The following ZNF624 variants were observed in gnomAD, a reference collection of about 807,000 sequenced individuals.
ZNF624 encodes zinc finger protein 624.
Under a neutral mutation model 74.7 loss-of-function variants are expected in ZNF624, and 43 were observed. That is an observed-to-expected ratio of 0.58 (90% confidence interval 0.45 to 0.74). The LOEUF is 0.74. Ranked by LOEUF, ZNF624 falls within the 30% of genes least tolerant of loss-of-function variation. The pLI is 0.00. For synonymous variants in ZNF624, 331 were observed against 341.3 expected (o/e 0.97, Z 0.33); for missense variants, 820 against 1,030.0 (o/e 0.80, Z 2.79).
chr17:16,648,132 C>CA (rs1909637451), intron 2 of ZNF624, among the ~76,000 whole-genome samples: 1 of 151,238 alleles, frequency 6.6e-6, no homozygotes, highest in African/African-American at 2.4e-5. Context: ...TTTGTGGAGA[C>CA]AGAGTTTCAC....
At chr17:16,616,783 G>A (rs1908799823), downstream of ZNF624, 4 of 852,070 alleles carry the variant, frequency 4.7e-6, no homozygotes, top group South Asian at 6.4e-5. Context: ...TATAAACATG[G>A]AAGAGTAACT....
chr17:16,651,714 C>T lies in ZNF624; in HGVS notation c.-2-1968G>A, dbSNP rs531055077. On this transcript the variant is annotated intron_variant, in intron 1 of 5. Transcript: ENST00000311331. ...TTTGCAAATCTAATGAAAATTATGA[C>T]TCCTCTCCTGTTTTCTAATGAAAAC... 2.0e-5 allele frequency among the ~76,000 whole-genome samples: 3 copies of T among 152,236 alleles called. No individual in the cohort carries two copies. In the South Asian group the frequency reaches 6.2e-4, roughly 32 times the overall value.
At chr17:16,617,676 TGCTCTACGATCACGC>T, downstream of ZNF624, 2 of 1,598,214 alleles carry the variant, frequency 1.3e-6, no homozygotes, top group Non-Finnish European at 1.7e-6. Flanking sequence ...GCCCCGGGCG[TGCTCTACGATCACGC>T]GCTCGCCGCA....
intron 1 of ZNF624, among the ~76,000 whole-genome samples, chr17:16,652,514 TAGATTATGC>T (rs1413805994): frequency 6.6e-6 from 1 of 150,856 alleles, no homozygotes; most frequent in Non-Finnish European, 1.5e-5. Context: ...GTAGATTATG[TAGATTATGC>T]TCGTAACATA....
downstream of ZNF624, chr17:16,617,230 C>T: frequency 4.3e-6 from 7 of 1,612,794 alleles, no homozygotes; most frequent in Middle Eastern, 2.0e-4. Flanking sequence ...TTTTGAGACA[C>T]TTCCAGATCT....
chr17:16,653,350 A>G (rs1909773278), intron 1 of ZNF624, among the ~76,000 whole-genome samples: 1 of 152,154 alleles, frequency 6.6e-6, no homozygotes, highest in African/African-American at 2.4e-5. Context: ...TCTTTCCCTA[A>G]CTGCTCTCCT....
At chr17:16,638,328 T>C (rs1374795311) in intron 3 of ZNF624, among the ~76,000 whole-genome samples, 1 of 152,112 alleles carries the variant, frequency 6.6e-6, no homozygotes, top group East Asian at 1.9e-4. Context: ...GATCTAGAAC[T>C]AGAAATACCA....
chr17:16,650,437 T>TAATA (rs1444345079), intron 1 of ZNF624, among the ~76,000 whole-genome samples: 1 of 150,852 alleles, frequency 6.6e-6, no homozygotes, highest in South Asian at 2.1e-4. Context: ...ATAATAATAA[T>TAATA]AGAAGAGACA....
chr17:16,626,236 C>CCA (rs1302306115), intron 5 of ZNF624, among the ~76,000 whole-genome samples: 1 of 152,202 alleles, frequency 6.6e-6, no homozygotes, highest in African/African-American at 2.4e-5. Flanking sequence ...CAGGCGTGAG[C>CCA]CACTGTGCCC....
intron 1 of ZNF624, 88 bp from the exon 2 acceptor site, chr17:16,649,834 T>C: frequency 1.0e-6 from 1 of 1,001,480 alleles, no homozygotes; most frequent in Non-Finnish European, 1.6e-6. Context: ...CAAGTGAGCA[T>C]GACCTCCCTA....
In ZNF624 at chr17:16,623,881, A is replaced by G; in HGVS notation, c.1005T>C (p.Asn335=). The part of the protein sequence containing the change: ...IHTGEKPYKC[N]ECGKAFIASS... ...AAGCAATGAAGGCCTTTCCACATTC[A>G]TTACATTTATAGGGTTTTTCTCCAG... is the stretch of plus-strand genomic sequence containing the variant. The change falls in exon 6 of 6, where the codon AAT becomes AAC. Residue 335 remains asparagine, a synonymous_variant. Transcript: ENST00000311331. The surrounding 1 kb of genome is among the most constrained non-coding windows in gnomAD (Gnocchi z 5.3). 2 of 1,613,890 alleles carry G rather than the reference A, an allele frequency of 1.2e-6. No individual in the cohort carries two copies. Among genetic ancestry groups the G allele is most frequent in the South Asian group, 2.2e-5 (2 of 91,048 alleles).
chr17:16,648,424 T>C (rs1909645185), intron 2 of ZNF624, among the ~76,000 whole-genome samples: 1 of 152,226 alleles, frequency 6.6e-6, no homozygotes, highest in Non-Finnish European at 1.5e-5. Flanking sequence ...TGCACAAATA[T>C]TCAGATTCCA....
chr17:16,649,343 C>T (rs1487366913), intron 2 of ZNF624, among the ~76,000 whole-genome samples: 2 of 152,118 alleles, frequency 1.3e-5, no homozygotes, highest in African/African-American at 4.8e-5. Flanking sequence ...AAAAATATTC[C>T]ATTTTGCTGT....
At chr17:16,651,506 A>G (rs1909723576) in intron 1 of ZNF624, among the ~76,000 whole-genome samples, 1 of 152,116 alleles carries the variant, frequency 6.6e-6, no homozygotes, top group Non-Finnish European at 1.5e-5. Flanking sequence ...TCCTAGGCAC[A>G]ATGAAAAGGT....
chr17:16,619,686 T>C (rs1377266507), downstream of ZNF624, among the ~76,000 whole-genome samples: 2 of 152,234 alleles, frequency 1.3e-5, no homozygotes, highest in African/African-American at 4.8e-5. Flanking sequence ...CCACTGAAAC[T>C]GCTCTAGTCA....
downstream of ZNF624, chr17:16,617,863 C>G: frequency 6.2e-7 from 1 of 1,608,368 alleles, no homozygotes; most frequent in Admixed American, 1.7e-5. Flanking sequence ...CTTAGGCGTC[C>G]TATGTAGACG....
rs574747840 is a variant in ZNF624, at chr17:16,635,458, T to C, written c.154-702A>G. Among the ~76,000 whole-genome samples the C allele has an allele frequency of 7.3e-5, 11 of 151,710 alleles. No homozygotes were observed. The South Asian group carries it at 8.3e-4, about 12-fold the overall frequency. On this transcript the variant is annotated intron_variant, in intron 3 of 5. Transcript: ENST00000311331. ...AGACTTGACTTTTGAACCATGTAAA[T>C]ATATTATAAATGAAATAAAAAATTA...
At chr17:16,627,667 T>C (rs1909104804) in intron 5 of ZNF624, among the ~76,000 whole-genome samples, 1 of 152,202 alleles carries the variant, frequency 6.6e-6, no homozygotes, top group African/African-American at 2.4e-5. Flanking sequence ...GAGACGGATT[T>C]AGGTCCATTA....
intron 5 of ZNF624, 71 bp downstream of exon 5, chr17:16,633,791 G>A (rs1445518275): frequency 8.4e-7 from 1 of 1,192,712 alleles, no homozygotes; most frequent in East Asian, 2.4e-5. Flanking sequence ...TATTTCAGAT[G>A]TTCTGGTGAA....
Sources: allele counts gnomAD v4.1 joint callset (sites outside exome capture counted in the v4.1 genomes callset), GRCh38; gene constraint gnomAD v4.1.1; non-coding constraint Gnocchi (gnomAD v3.1); transcripts MANE v1.5; gene names NCBI Gene and HGNC (gene_info 2026-07-23, HGNC 2026-07-21).